The following ZGRF1 variants were observed in gnomAD, a reference collection of about 807,000 sequenced individuals.
ZGRF1 encodes zinc finger GRF-type containing 1.
Under a neutral mutation model 203.5 loss-of-function variants are expected in ZGRF1, and 196 were observed. The observed-to-expected ratio is 0.96, with a 90% CI of 0.86 to 1.08. The LOEUF is 1.08. Ranked by LOEUF, ZGRF1 falls within the 50% of genes least tolerant of loss-of-function variation. The pLI is 0.00. For missense variants in ZGRF1, 2,326 were observed against 2,416.3 expected, an observed-to-expected ratio of 0.96 and a Z score of 0.78; for synonymous variants, 809 against 841.3, an observed-to-expected ratio of 0.96 and a Z score of 0.66.
chr4:112,581,238 T>C (rs1376208769), intron 16 of ZGRF1, among the ~76,000 whole-genome samples: 2 of 124,620 alleles, frequency 1.6e-5, no homozygotes, highest in African/African-American at 6.3e-5. Context: ...TGAGAACACA[T>C]GGACACAGGA....
Position 112,586,499 on chromosome 4 carries a change from C to T in ZGRF1, c.3862G>A (p.Ala1288Thr). 1.9e-6 allele frequency: 3 copies of T among 1,613,168 alleles called. No individual in the cohort carries two copies. The highest frequency in any genetic ancestry group is 2.5e-6 in the Non-Finnish European group (3 of 1,179,480). The change falls in exon 13 of 28, where the codon GCT (alanine) becomes ACT (threonine). Residue 1288 changes from alanine (A) to threonine (T), a missense_variant. Transcript: ENST00000505019. ...YLPQRQIHIP[A>T]VFQSPAHYKQ... ...TAATGAGCAGGAGACTGAAAAACAG[C>T]TGGTATGTGAATTTGCCTTTGGGGA...
At chr4:112,567,731 G>A (rs1489112436) in intron 16 of ZGRF1, among the ~76,000 whole-genome samples, 1 of 152,136 alleles carries the variant, frequency 6.6e-6, no homozygotes, top group Non-Finnish European at 1.5e-5. Flanking sequence ...TTCGAGATGT[G>A]CCAGGGCAAC....
intron 9 of ZGRF1, 49 bp downstream of exon 9, chr4:112,605,957 GAA>G (rs761023229): frequency 8.4e-7 from 1 of 1,195,996 alleles, no homozygotes; most frequent in Non-Finnish European, 1.2e-6. Flanking sequence ...GTTTTAAACA[GAA>G]AAGAAAATGT....
At chr4:112,627,136 A>G (rs2047265047) in intron 3 of ZGRF1, among the ~76,000 whole-genome samples, 1 of 152,158 alleles carries the variant, frequency 6.6e-6, no homozygotes. Context: ...TCAAAATGGA[A>G]CTAAAAATCT....
chr4:112,614,965 G>A (rs2046818381), intron 6 of ZGRF1, among the ~76,000 whole-genome samples: 1 of 152,128 alleles, frequency 6.6e-6, no homozygotes, highest in African/African-American at 2.4e-5. Context: ...GGCTATGAGT[G>A]AGTTTAATGT....
At chr4:112,559,117 T>C (rs1741472758) in intron 19 of ZGRF1, among the ~76,000 whole-genome samples, 1 of 152,214 alleles carries the variant, frequency 6.6e-6, no homozygotes, top group Admixed American at 6.5e-5. Flanking sequence ...AAAGCTCTGT[T>C]TGCTATAGCT....
intron 5 of ZGRF1, 137 bp downstream of exon 5, chr4:112,619,865 G>A (rs1235509300): frequency 3.3e-6 from 3 of 896,144 alleles, no homozygotes; most frequent in Non-Finnish European, 4.9e-6. Flanking sequence ...TTTCAAAGTA[G>A]GGTTTACTTC....
At chr4:112,557,261 T>A (rs1450242336) in intron 20 of ZGRF1, among the ~76,000 whole-genome samples, 2 of 151,862 alleles carry the variant, frequency 1.3e-5, no homozygotes, top group Non-Finnish European at 2.9e-5. Context: ...AGCCTCTGCC[T>A]CCTGAGTTCA....
In ZGRF1 at chr4:112,573,015, C is replaced by T. The variant is rs551217977; in HGVS notation, c.4438+8648G>A. 3.3e-5 allele frequency among the ~76,000 whole-genome samples: 5 copies of T among 152,248 alleles called. No homozygotes were observed. The South Asian group carries it at 1.0e-3, about 32-fold the overall frequency. On this transcript the variant is annotated intron_variant, in intron 16 of 27. Coordinates refer to ENST00000505019, the MANE Select transcript of ZGRF1 (RefSeq NM_018392.5). ...CCTTAAAGAACTAAAAGTAGAACTA[C>T]CATTTGATCCAACAATCCCACTACT...
chr4:112,617,577 A>G lies in ZGRF1; in HGVS notation c.2465T>C (p.Leu822Ser). ...CTTTAAAATAGAAATGGTATTTACT[A>G]ATCCAGAAAGTTCTGAAGAATTTCT... The part of the protein sequence containing the change: ...NPRNSSELSG[L>S]VNTISILKSL... Residue 822 changes from leucine (L) to serine (S), a missense_variant, in exon 6 of 28, where the codon TTA becomes TCA. Leu to Ser is a moderately radical substitution (Grantham distance 145). Transcript: ENST00000505019. 2 of 1,613,910 alleles carry G rather than the reference A, an allele frequency of 1.2e-6. No individual in the cohort carries two copies. Among genetic ancestry groups the G allele is most frequent in the South Asian group, 2.2e-5 (2 of 91,014 alleles).
chr4:112,634,677 G>A (rs1404559477), intron 1 of ZGRF1, among the ~76,000 whole-genome samples: 2 of 151,876 alleles, frequency 1.3e-5, no homozygotes, highest in Admixed American at 6.6e-5. Flanking sequence ...GGGCGAGGCG[G>A]GGGCGGTGAA....
Position 112,631,200 on chromosome 4 carries a change from C to T in ZGRF1, c.102+730G>A, listed in dbSNP as rs567106360. On this transcript the variant is annotated intron_variant, in intron 3 of 27. Coordinates refer to ENST00000505019, the MANE Select transcript of ZGRF1 (RefSeq NM_018392.5). The stretch of plus-strand genomic sequence containing the variant: ...ATTTTTTTGTAGAGACAGAGTCTTG[C>T]TTCGCTGCCCAGGCTGGTCTTGAAC... 2.0e-5 allele frequency among the ~76,000 whole-genome samples: 3 copies of T among 152,164 alleles called. No individual in the cohort carries two copies. The South Asian group carries it at 6.2e-4, about 32-fold the overall frequency.
intron 20 of ZGRF1, among the ~76,000 whole-genome samples, chr4:112,557,544 G>A (rs1358756040): frequency 6.6e-6 from 1 of 152,152 alleles, no homozygotes; most frequent in African/African-American, 2.4e-5. Context: ...TTTTACTTAT[G>A]GCACAGGAAG....
chr4:112,555,401 T>A (rs536564801), intron 20 of ZGRF1, among the ~76,000 whole-genome samples: 3 of 152,318 alleles, frequency 2.0e-5, no homozygotes, highest in Admixed American at 2.0e-4. Flanking sequence ...CTCAACCCTC[T>A]AAAACTTCTA....
intron 13 of ZGRF1, 63 bp downstream of exon 13, chr4:112,586,382 C>T: frequency 1.3e-5 from 16 of 1,272,642 alleles, no homozygotes; most frequent in Non-Finnish European, 1.6e-5. Flanking sequence ...GTATTAAATT[C>T]TCACAATTTT....
chr4:112,634,850 G>A lies in ZGRF1; in HGVS notation c.-66-1608C>T, dbSNP rs1451227024. Among the ~76,000 whole-genome samples the A allele has an allele frequency of 2.0e-5, 3 of 152,084 alleles. No individual in the cohort carries two copies. The East Asian group carries it at 5.9e-4, about 30-fold the overall frequency. ...ACTGCCTTTCAGAAATATAACTCCT[G>A]GCCGGGTGTGGTGACTCACGCCTGT... On this transcript the variant is annotated intron_variant, in intron 1 of 27. Transcript: ENST00000505019.
At chr4:112,575,827 C>A (rs1745096179) in intron 16 of ZGRF1, among the ~76,000 whole-genome samples, 2 of 152,198 alleles carry the variant, frequency 1.3e-5, no homozygotes, top group African/African-American at 4.8e-5. Context: ...GGACTGCCTG[C>A]CTCTGTAGAC....
Position 112,577,346 on chromosome 4 carries a change from G to A in ZGRF1, c.4438+4317C>T, listed in dbSNP as rs543625337. ...AACATGCCAAATTGTAAAGCCCGTC[G>A]ACGCTAGGAAGAAACTGCATCAACT... On this transcript the variant is annotated intron_variant, in intron 16 of 27. Coordinates refer to ENST00000505019, the MANE Select transcript of ZGRF1 (RefSeq NM_018392.5). 5.4e-4 allele frequency among the ~76,000 whole-genome samples: 66 copies of A among 122,930 alleles called. 18 individuals are homozygous for A. The East Asian group carries it at 6.7e-3, about 12-fold the overall frequency. The allele number at this position is 122,930 out of a possible 152,430, so 80.6% of individuals were successfully genotyped here. A position where few individuals can be genotyped will look rare whatever the true frequency, so the allele number is the denominator to read the frequency against.
intron 24 of ZGRF1, 83 bp downstream of exon 24, chr4:112,547,202 A>G (rs950569349): frequency 2.2e-6 from 3 of 1,357,648 alleles, no homozygotes; most frequent in Non-Finnish European, 3.0e-6. Context: ...TAAGTCTTCT[A>G]ATATTTTCAT....
Sources: allele counts gnomAD v4.1 joint callset (sites outside exome capture counted in the v4.1 genomes callset), GRCh38; gene constraint gnomAD v4.1.1; transcripts MANE v1.5; gene names NCBI Gene and HGNC (gene_info 2026-07-23, HGNC 2026-07-21).